Variants in KPNA5 observed in about 807,000 individuals in gnomAD.
The protein encoded by KPNA5 is karyopherin subunit alpha 5.
A neutral mutation model predicts 71.3 loss-of-function variants in KPNA5; 46 were observed. The ratio of observed to expected loss-of-function variants is 0.65; its 90% CI spans 0.51 to 0.83. KPNA5 has a LOEUF of 0.83. Ranked by LOEUF, KPNA5 falls within the 40% of genes least tolerant of loss-of-function variation. The pLI is 0.00. For missense variants in KPNA5, 547 were observed against 628.3 expected, an observed-to-expected ratio of 0.87 and a Z score of 1.38; for synonymous variants, 207 against 201.4, an observed-to-expected ratio of 1.03 and a Z score of -0.24.
At chr6:116,707,709 G>A (rs1778501639) in intron 7 of KPNA5, among the ~76,000 whole-genome samples, 1 of 152,142 alleles carries the variant, frequency 6.6e-6, no homozygotes, top group Admixed American at 6.5e-5. Flanking sequence ...GTATTTTGGG[G>A]AAATCTAACA....
chr6:116,732,074 TTATATATATATATATATA>T (rs2243369), intron 13 of KPNA5, 44 bp from the exon 14 acceptor site: 3,338 of 67,636 alleles, frequency 0.049, 176 homozygotes, highest in Non-Finnish European at 0.049. Context: ...AACAGTTTGT[TTATATATATATATATATA>T]TATATATATA....
chr6:116,681,520 G>T, intron 1 of KPNA5, 182 bp downstream of exon 1: 4 of 1,358,286 alleles, frequency 2.9e-6, no homozygotes, highest in Non-Finnish European at 3.8e-6. Flanking sequence ...GGGCGTGGCA[G>T]CCGGACCTTT....
chr6:116,729,501 C>T (rs1022395093), intron 12 of KPNA5, 62 bp from the exon 13 acceptor site: 2 of 1,057,744 alleles, frequency 1.9e-6, no homozygotes, highest in Non-Finnish European at 2.5e-6. Flanking sequence ...TTGTTACAAA[C>T]AGTACTTAAG....
At position 116,726,061 on chromosome 6, in the gene KPNA5, A is replaced by AGTGTGTGTGTGTGTGTGT. The variant is rs58131077; in HGVS notation, c.1125+190_1125+207dup. 4.5e-3 allele frequency among the ~76,000 whole-genome samples: 679 copies of AGTGTGTGTGTGTGTGTGT among 150,660 alleles called. 6 individuals are homozygous for AGTGTGTGTGTGTGTGTGT. Among genetic ancestry groups the AGTGTGTGTGTGTGTGTGT allele is most frequent in the African/African-American group, 0.014 (581 of 41,136 alleles). On this transcript the variant is annotated intron_variant, in intron 11 of 13. Transcript: ENST00000368564. ...TGTAGTATTCTAGTGAAGAACATCA[A>AGTGTGTGTGTGTGTGTGT]GTGTGTGTGTGTGTGTGTGTGTCTA...
chr6:116,695,218 C>T (rs1777978342), intron 4 of KPNA5, among the ~76,000 whole-genome samples: 1 of 152,084 alleles, frequency 6.6e-6, no homozygotes, highest in Non-Finnish European at 1.5e-5. Context: ...TGTGAGCCAC[C>T]ATGCTTGGCC....
At chr6:116,681,556 A>G (rs946392657) in intron 1 of KPNA5, 1 of 1,320,970 alleles carries the variant, frequency 7.6e-7, no homozygotes, top group Admixed American at 3.8e-5. Flanking sequence ...AGGCGTGGTG[A>G]GTTCAGATTC....
rs1263076932 is a variant in KPNA5 at position 116,722,274 on chromosome 6, T to C, written c.905T>C (p.Leu302Ser). 1 of 1,607,096 alleles carries C rather than the reference T, an allele frequency of 6.2e-7. No individual in the cohort carries two copies. Among genetic ancestry groups the C allele is most frequent in the South Asian group, 1.1e-5 (1 of 89,184 alleles). ...AVIDSGVCRR[L>S]VELLMHNDYK... is the part of the protein sequence containing the mutation. ...ATTGATTCTGGAGTCTGTCGAAGATTGGTGGAACTTTTGATGTAACTATAA... is the reference window on the plus strand; with the variant it reads ...ATTGATTCTGGAGTCTGTCGAAGATCGGTGGAACTTTTGATGTAACTATAA... The change falls in exon 9 of 14, where the codon TTG becomes TCG. Residue 302 changes from leucine (L) to serine (S), a missense_variant. Physicochemically the swap from Leu to Ser is moderately radical, Grantham distance 145 (BLOSUM62 -2). Coordinates refer to ENST00000368564, the MANE Select transcript of KPNA5 (RefSeq NM_001366306.2).
At chr6:116,695,640 T>G (rs1777998536) in intron 4 of KPNA5, among the ~76,000 whole-genome samples, 2 of 152,170 alleles carry the variant, frequency 1.3e-5, no homozygotes, top group Admixed American at 1.3e-4. Context: ...TAATTTATAT[T>G]CATAAATAAA....
rs1562459565 is a variant in KPNA5, at chr6:116,733,016, A to G, written c.*693A>G. 6.6e-6 allele frequency: 1 copy of G among 151,864 alleles called. No homozygotes were observed. The highest frequency in any genetic ancestry group is 1.5e-5 in the Non-Finnish European group (1 of 67,792). The allele number at this position is 151,864 out of a possible 1,614,324, so 9.4% of individuals were successfully genotyped here. On this transcript the variant is annotated 3_prime_UTR_variant, in exon 14 of 14. Coordinates refer to ENST00000368564, the MANE Select transcript of KPNA5 (RefSeq NM_001366306.2). ...GAACACATTAAAAAGATTACTTTAT[A>G]AAATGTTTAAATATTTCTGTTTTTA...
At chr6:116,724,225 A>C in intron 9 of KPNA5, 72 bp from the exon 10 acceptor site, 1 of 936,600 alleles carries the variant, frequency 1.1e-6, no homozygotes, top group Non-Finnish European at 1.7e-6. Context: ...AGGAGTTTGT[A>C]GTATTTTTGT....
intron 11 of KPNA5, among the ~76,000 whole-genome samples, chr6:116,726,130 T>A (rs1361885773): frequency 6.6e-6 from 1 of 151,942 alleles, no homozygotes; most frequent in East Asian, 1.9e-4. Flanking sequence ...GAAAGATATT[T>A]TTTTGCATTA....
rs539022481 is a variant in KPNA5 at position 116,730,074 on chromosome 6, A to T, written c.1432+333A>T. On this transcript the variant is annotated intron_variant, in intron 13 of 13. Coordinates refer to ENST00000368564, the MANE Select transcript of KPNA5 (RefSeq NM_001366306.2). Reference sequence around the variant, plus strand: ...GTTATGTATATACTATATATATATAAAAATATGTAATTTTTTTTTTTTTTT... The same window carrying T: ...GTTATGTATATACTATATATATATATAAATATGTAATTTTTTTTTTTTTTT... 7.3e-4 allele frequency among the ~76,000 whole-genome samples: 107 copies of T among 147,272 alleles called. No individual in the cohort carries two copies. The South Asian group carries it at 7.9e-3, about 11-fold the overall frequency.
chr6:116,724,628 T>C (rs1779230429), intron 10 of KPNA5, among the ~76,000 whole-genome samples: 1 of 152,108 alleles, frequency 6.6e-6, no homozygotes, highest in African/African-American at 2.4e-5. Flanking sequence ...TATTGCTCTT[T>C]CTCCTAGGCT....
At chr6:116,699,972 A>G (rs1259709357) in intron 5 of KPNA5, among the ~76,000 whole-genome samples, 2 of 152,240 alleles carry the variant, frequency 1.3e-5, no homozygotes, top group Non-Finnish European at 2.9e-5. Flanking sequence ...TGGTAACATC[A>G]TATCCTTAGT....
chr6:116,688,098 T>C (rs1358742223), intron 1 of KPNA5, among the ~76,000 whole-genome samples: 1 of 152,194 alleles, frequency 6.6e-6, no homozygotes, highest in Non-Finnish European at 1.5e-5. Context: ...CTTGAAATGC[T>C]TGATTCTCCC....
chr6:116,683,972 G>A (rs935554064), intron 1 of KPNA5, among the ~76,000 whole-genome samples: 6 of 136,896 alleles, frequency 4.4e-5, no homozygotes, highest in Admixed American at 7.9e-5. Context: ...GTCCAGGCTG[G>A]AGCGATCTTG....
rs780741558 is a variant in KPNA5 at position 116,735,563 on chromosome 6, ACCAACT to A, written c.*3241_*3246del. 2 of 151,696 alleles carry A rather than the reference ACCAACT, an allele frequency of 1.3e-5. No homozygotes were observed. Among genetic ancestry groups the A allele is most frequent in the African/African-American group, 2.4e-5 (1 of 41,416 alleles). The allele number at this position is 151,696 out of a possible 1,614,324, so 9.4% of individuals were successfully genotyped here. A position where few individuals can be genotyped will look rare whatever the true frequency, so the allele number is the denominator to read the frequency against. On this transcript the variant is annotated 3_prime_UTR_variant, in exon 14 of 14. Transcript: ENST00000368564. ...AAGATATTCTTACCCTACTAAATAA[ACCAACT>A]TTTGAGTAGTATGCAATATTATGAA... is the stretch of plus-strand genomic sequence containing the variant.
Position 116,737,428 on chromosome 6 carries a change from CTG to C in KPNA5, c.*5109_*5110del, listed in dbSNP as rs1779713203. ...TCCTCTGCAGATAATCTGGAGCAAT[CTG>C]TGTAGTTTTGTCACATTTGGTACTC... is the stretch of plus-strand genomic sequence containing the variant. On this transcript the variant is annotated 3_prime_UTR_variant, in exon 14 of 14. Transcript: ENST00000368564. The C allele has an allele frequency of 6.6e-6, 1 of 152,002 alleles. No homozygotes were observed. Among genetic ancestry groups the C allele is most frequent in the Non-Finnish European group, 1.5e-5 (1 of 67,972 alleles). 9.4% of individuals were successfully genotyped at this position (152,002 alleles called of 1,614,324 possible). A position where few individuals can be genotyped will look rare whatever the true frequency, so the allele number is the denominator to read the frequency against.
chr6:116,687,400 G>T (rs1413844911), intron 1 of KPNA5, among the ~76,000 whole-genome samples: 1 of 152,210 alleles, frequency 6.6e-6, no homozygotes, highest in Non-Finnish European at 1.5e-5. Flanking sequence ...TTAAGGGTCA[G>T]GGAGGGCTAA....
Sources: allele counts gnomAD v4.1 joint callset (sites outside exome capture counted in the v4.1 genomes callset), GRCh38; gene constraint gnomAD v4.1.1; transcripts MANE v1.5; gene names NCBI Gene and HGNC (gene_info 2026-07-23, HGNC 2026-07-21).